The following DOCK1 variants were observed in gnomAD, a reference collection of about 807,000 sequenced individuals.
The protein encoded by DOCK1 is dedicator of cytokinesis protein 1.
A neutral mutation model predicts 262.7 loss-of-function variants in DOCK1; 138 were observed. That is an observed-to-expected ratio of 0.53 (90% CI 0.46 to 0.61). The LOEUF is 0.61. Ranked by LOEUF, DOCK1 falls within the 20% of genes least tolerant of loss-of-function variation. DOCK1 has a pLI of 0.00. For missense variants in DOCK1, 1,908 were observed against 2,370.7 expected (o/e 0.80, Z 4.05); for synonymous variants, 866 against 867.4 (o/e 1.00, Z 0.03).
chr10:127,183,433 T>C (rs2055928110), intron 27 of DOCK1, among the ~76,000 whole-genome samples: 1 of 152,192 alleles, frequency 6.6e-6, no homozygotes, highest in African/African-American at 2.4e-5. Context: ...AATCCTAAAC[T>C]TTGCATGGTC....
intron 29 of DOCK1, among the ~76,000 whole-genome samples, chr10:127,294,299 G>A (rs1036998098): frequency 1.5e-4 from 23 of 151,988 alleles, no homozygotes; most frequent in African/African-American, 3.9e-4. Flanking sequence ...TTTTGTTGTC[G>A]TTTTTTGTTT....
rs181826105 is a variant in DOCK1, at chr10:127,311,443, G to A, written c.3045-27563G>A. ...TAGGGCATCCCTATTCCAAACATCC[G>A]AAATCCAAACTGTTCCAGTGAGCAT... On this transcript the variant is annotated intron_variant, in intron 29 of 51. Coordinates refer to ENST00000623213, the MANE Select transcript of DOCK1 (RefSeq NM_001290223.2). Among the ~76,000 whole-genome samples the A allele has an allele frequency of 7.8e-3, 1,194 of 152,236 alleles. 6 individuals carry two copies. The highest frequency in any genetic ancestry group is 0.031 in the Middle Eastern group (9 of 294).
chr10:127,359,204 C>T (rs1022095006), intron 32 of DOCK1, among the ~76,000 whole-genome samples: 1 of 152,066 alleles, frequency 6.6e-6, no homozygotes, highest in African/African-American at 2.4e-5. Flanking sequence ...ACCTTGGGGA[C>T]CACTGGTTTA....
chr10:127,372,241 C>T (rs920470002), intron 33 of DOCK1, among the ~76,000 whole-genome samples: 3 of 152,146 alleles, frequency 2.0e-5, no homozygotes, highest in Admixed American at 6.5e-5. Flanking sequence ...ACAGGCAGGG[C>T]GTCTGTGTCC....
At chr10:127,432,112 T>A (rs2069332253) in intron 47 of DOCK1, among the ~76,000 whole-genome samples, 1 of 152,196 alleles carries the variant, frequency 6.6e-6, no homozygotes, top group Non-Finnish European at 1.5e-5. Context: ...CTCCTGCTGG[T>A]CTGTGGAAAA....
chr10:127,422,158 C>CTTTTTTTTTTTTTTT (rs35535729), intron 46 of DOCK1, among the ~76,000 whole-genome samples: 2 of 61,370 alleles, frequency 3.3e-5, no homozygotes, highest in East Asian at 4.8e-4. Context: ...TTTTGTTTGT[C>CTTTTTTTTTTTTTTT]TTTTTTTTTT....
intron 1 of DOCK1, among the ~76,000 whole-genome samples, chr10:126,948,542 C>G (rs909749470): frequency 2.0e-5 from 3 of 151,808 alleles, no homozygotes; most frequent in African/African-American, 4.8e-5. Flanking sequence ...GGATGAACCT[C>G]TTTTTTACGT....
intron 23 of DOCK1, among the ~76,000 whole-genome samples, chr10:127,089,855 C>T (rs1427729803): frequency 6.6e-6 from 1 of 152,208 alleles, no homozygotes; most frequent in Non-Finnish European, 1.5e-5. Flanking sequence ...ACTTTTAGTT[C>T]CATAACTGTA....
chr10:126,974,624 C>T (rs537906506), intron 2 of DOCK1, among the ~76,000 whole-genome samples: 51 of 152,268 alleles, frequency 3.3e-4, no homozygotes, highest in East Asian at 5.8e-4. Context: ...GCCAGGTAAT[C>T]GTTCCGTTCT....
chr10:127,064,511 A>G (rs1469854116), intron 23 of DOCK1, among the ~76,000 whole-genome samples: 2 of 152,310 alleles, frequency 1.3e-5, no homozygotes, highest in Admixed American at 1.3e-4. Context: ...CATTTAAGTG[A>G]GAAAACACAA....
rs377168935 is a variant in DOCK1 at position 127,137,826 on chromosome 10, C to T, written c.2847+10062C>T. The T allele has an allele frequency of 2.9e-5, 47 of 1,608,500 alleles. No homozygotes were observed. In the African/African-American group the frequency reaches 5.5e-4, roughly 19 times the overall value. ...CTAAAGACGGCCTCGAGACTCCAGA[C>T]ACCGTGAGTGTTAAAGGAACCAGAG... On this transcript the variant is annotated intron_variant, in intron 27 of 51. Coordinates refer to ENST00000623213, the MANE Select transcript of DOCK1 (RefSeq NM_001290223.2).
intron 27 of DOCK1, among the ~76,000 whole-genome samples, chr10:127,228,779 T>A (rs1414068836): frequency 6.6e-6 from 1 of 152,264 alleles, no homozygotes; most frequent in Non-Finnish European, 1.5e-5. Context: ...TCAACATTTT[T>A]AAATTTTATT....
At chr10:126,947,044 A>G (rs2035471359) in intron 1 of DOCK1, among the ~76,000 whole-genome samples, 1 of 152,226 alleles carries the variant, frequency 6.6e-6, no homozygotes, top group South Asian at 2.1e-4. Context: ...AAGGACTGGT[A>G]CCTGGAGGCT....
At chr10:127,016,206 A>G (rs1168195217) in intron 12 of DOCK1, 1 of 152,134 alleles carries the variant, frequency 6.6e-6, no homozygotes, top group East Asian at 1.9e-4. Context: ...AGTGCCCAGT[A>G]TTTGCCTGGC....
At chr10:126,918,876 T>C (rs1186888136) in intron 1 of DOCK1, among the ~76,000 whole-genome samples, 1 of 109,240 alleles carries the variant, frequency 9.2e-6, no homozygotes. Flanking sequence ...TCTGGCAGGG[T>C]GTGCAGGTGG....
intron 29 of DOCK1, among the ~76,000 whole-genome samples, chr10:127,307,126 T>A (rs1590367682): frequency 6.6e-6 from 1 of 152,340 alleles, no homozygotes; most frequent in East Asian, 1.9e-4. Flanking sequence ...GGAACTATGC[T>A]AATCAGATTT....
chr10:127,289,934 T>TA (rs1402879675), intron 29 of DOCK1, among the ~76,000 whole-genome samples: 5 of 152,062 alleles, frequency 3.3e-5, no homozygotes, highest in Admixed American at 1.3e-4. Flanking sequence ...GCTATATATT[T>TA]CTGATATATT....
intron 10 of DOCK1, among the ~76,000 whole-genome samples, chr10:127,002,366 A>G (rs2040654616): frequency 6.6e-6 from 1 of 152,234 alleles, no homozygotes; most frequent in African/African-American, 2.4e-5. Context: ...AATGTAGACC[A>G]CAGGCTGACA....
chr10:127,154,054 C>T (rs992278878), intron 27 of DOCK1: 2 of 668,994 alleles, frequency 3.0e-6, no homozygotes, highest in Non-Finnish European at 5.4e-6. Context: ...TTAATGCATG[C>T]TTCCCAGTTT....
Sources: gnomAD v4.1 joint callset for allele counts (sites outside exome capture counted in the v4.1 genomes callset) on GRCh38, gnomAD v4.1.1 for gene constraint, MANE v1.5 for transcripts, NCBI Gene and HGNC (gene_info 2026-07-23, HGNC 2026-07-21) for gene names.